Variants in SNTG2 observed in about 807,000 individuals in gnomAD.
The protein encoded by SNTG2 is syntrophin gamma 2, also known as gamma-2-syntrophin.
Under a neutral mutation model 70.9 loss-of-function variants are expected in SNTG2, and 74 were observed. That is an observed-to-expected ratio of 1.04 (90% CI 0.86 to 1.27). The LOEUF (loss-of-function observed/expected upper bound fraction) is 1.27, where lower values mean the gene tolerates loss of function less well. SNTG2 is among the 50% of genes most tolerant of loss of function. The probability of loss-of-function intolerance (pLI) is 0.00; values close to 1 mark genes in which losing one functional copy is unlikely to be tolerated. For synonymous variants in SNTG2, 278 were observed against 273.8 expected (o/e 1.02, Z -0.15); for missense variants, 717 against 690.7 (o/e 1.04, Z -0.43).
chr2:1,081,986 T>A (rs1240248562), intron 1 of SNTG2, among the ~76,000 whole-genome samples: 2 of 152,200 alleles, frequency 1.3e-5, no homozygotes, highest in African/African-American at 2.4e-5. Flanking sequence ...GGGCACACAC[T>A]CTTTTTTGTG....
At position 1,011,195 on chromosome 2, in the gene SNTG2, C is replaced by T. The variant is rs909917138; in HGVS notation, c.72+60127C>T. ...GCCACCATTCTGATCTAATCTCTAA[C>T]GTGGCACGGGGTGACTGAGGGCCAG... On this transcript the variant is annotated intron_variant, in intron 1 of 16. Coordinates refer to ENST00000308624, the MANE Select transcript of SNTG2 (RefSeq NM_018968.4). Among the ~76,000 whole-genome samples the T allele has an allele frequency of 1.7e-4, 26 of 152,182 alleles. 1 individual carries two copies. The highest frequency in any genetic ancestry group is 7.2e-4 in the Admixed American group (11 of 15,278).
chr2:1,219,725 C>T (rs1165787507), intron 9 of SNTG2, among the ~76,000 whole-genome samples: 4 of 145,652 alleles, frequency 2.7e-5, no homozygotes, highest in East Asian at 4.0e-4. Flanking sequence ...GGAGGGGAGG[C>T]GGAGAGGAAG....
chr2:1,346,966 CAG>C (rs1039262719), intron 16 of SNTG2, among the ~76,000 whole-genome samples: 2 of 151,934 alleles, frequency 1.3e-5, no homozygotes, highest in African/African-American at 4.8e-5. Context: ...CATGCTGTAC[CAG>C]AGTCAGGGTG....
chr2:1,363,222 C>T (rs1248166938), intron 16 of SNTG2, among the ~76,000 whole-genome samples: 1 of 151,958 alleles, frequency 6.6e-6, no homozygotes, highest in Admixed American at 6.6e-5. Flanking sequence ...ACAAAGACCA[C>T]TGCAACCTTG....
intron 4 of SNTG2, among the ~76,000 whole-genome samples, chr2:1,117,939 A>G (rs949566564): frequency 2.0e-5 from 3 of 152,108 alleles, no homozygotes; most frequent in African/African-American, 7.2e-5. Context: ...TGTGCCCTGT[A>G]TCCCAAGAGC....
intron 4 of SNTG2, among the ~76,000 whole-genome samples, chr2:1,111,782 T>G (rs1666460388): frequency 6.6e-6 from 1 of 152,264 alleles, no homozygotes; most frequent in South Asian, 2.1e-4. Context: ...TACAGTCCTT[T>G]GAGAAAGATC....
intron 14 of SNTG2, among the ~76,000 whole-genome samples, chr2:1,294,750 TG>T (rs763561481): frequency 3.3e-5 from 5 of 151,532 alleles, no homozygotes; most frequent in Non-Finnish European, 7.3e-5. Flanking sequence ...GAGAAATTAT[TG>T]AACAAAATAT....
intron 14 of SNTG2, among the ~76,000 whole-genome samples, chr2:1,285,030 A>G (rs1277107650): frequency 6.6e-6 from 1 of 151,980 alleles, no homozygotes; most frequent in Non-Finnish European, 1.5e-5. Flanking sequence ...ACCCCACAGT[A>G]GGCCATCCCC....
intron 4 of SNTG2, among the ~76,000 whole-genome samples, chr2:1,112,435 T>TCG: frequency 6.6e-6 from 1 of 151,534 alleles, no homozygotes; most frequent in Non-Finnish European, 1.5e-5. Flanking sequence ...ACACTTACAG[T>TCG]TCATTGAGGA....
chr2:966,655 A>G (rs1159506089), intron 1 of SNTG2, among the ~76,000 whole-genome samples: 1 of 152,266 alleles, frequency 6.6e-6, no homozygotes, highest in African/African-American at 2.4e-5. Flanking sequence ...TCAAAAACAA[A>G]TAATAGTTTG....
intron 8 of SNTG2, among the ~76,000 whole-genome samples, chr2:1,176,251 A>G (rs947351183): frequency 3.9e-5 from 6 of 152,176 alleles, no homozygotes; most frequent in African/African-American, 1.4e-4. Context: ...AATAGCTTTA[A>G]TATGTTCGTT....
chr2:1,192,809 C>T (rs4312525), intron 8 of SNTG2, among the ~76,000 whole-genome samples: 13,376 of 152,166 alleles, frequency 0.088, 906 homozygotes, highest in East Asian at 0.21. Flanking sequence ...AATTTGGGCA[C>T]CCTGTTCTAG....
At chr2:962,725 T>C (rs1319223929) in intron 1 of SNTG2, among the ~76,000 whole-genome samples, 1 of 152,190 alleles carries the variant, frequency 6.6e-6, no homozygotes, top group Non-Finnish European at 1.5e-5. Flanking sequence ...TGTTAAGTAA[T>C]GAAGCCACAT....
At chr2:1,239,849 C>A in intron 11 of SNTG2, 73 bp downstream of exon 11, 1 of 1,536,908 alleles carries the variant, frequency 6.5e-7, no homozygotes, top group Non-Finnish European at 8.9e-7. Flanking sequence ...CATGATGTAA[C>A]ACATCTCGAA....
chr2:1,304,571 C>T (rs1466293847), intron 14 of SNTG2, among the ~76,000 whole-genome samples: 1 of 151,912 alleles, frequency 6.6e-6, no homozygotes, highest in Non-Finnish European at 1.5e-5. Context: ...ACTAAAAATA[C>T]AAAAAATAGG....
chr2:1,035,110 G>A (rs1450258674), intron 1 of SNTG2, among the ~76,000 whole-genome samples: 3 of 152,196 alleles, frequency 2.0e-5, no homozygotes, highest in Non-Finnish European at 4.4e-5. Flanking sequence ...ACTCCTGAAT[G>A]ACTTTTGGGT....
At chr2:1,018,129 A>G (rs964045042) in intron 1 of SNTG2, among the ~76,000 whole-genome samples, 4 of 151,954 alleles carry the variant, frequency 2.6e-5, no homozygotes, top group African/African-American at 9.7e-5. Context: ...GCCTCTGTTG[A>G]CTCCCACTTT....
intron 1 of SNTG2, among the ~76,000 whole-genome samples, chr2:1,079,993 A>T (rs1022495014): frequency 2.0e-5 from 3 of 152,196 alleles, no homozygotes; most frequent in African/African-American, 7.2e-5. Context: ...CTCACCACGC[A>T]TCTGCCACTT....
chr2:1,125,497 G>A (rs988818570), intron 4 of SNTG2, among the ~76,000 whole-genome samples: 3 of 152,046 alleles, frequency 2.0e-5, no homozygotes, highest in African/African-American at 7.2e-5. Context: ...GAAGTTTGCT[G>A]CTTTCTTCTA....
Sources: gnomAD v4.1 joint callset for allele counts (sites outside exome capture counted in the v4.1 genomes callset) on GRCh38, gnomAD v4.1.1 for gene constraint, MANE v1.5 for transcripts, NCBI Gene and HGNC (gene_info 2026-07-23, HGNC 2026-07-21) for gene names.